RELN: variants seen among roughly 807,000 people sequenced by gnomAD.
The protein encoded by RELN is reelin.
A neutral mutation model predicts 427.6 loss-of-function variants in RELN; 108 were observed. That is an observed-to-expected ratio of 0.25 (90% CI 0.22 to 0.30). RELN has a LOEUF of 0.30. Among genes scored for constraint, RELN ranks in the 10% least tolerant of loss-of-function variants. RELN has a pLI of 1.00. For synonymous variants in RELN, 1,524 were observed against 1,513.4 expected, an observed-to-expected ratio of 1.01 and a Z score of -0.16; for missense variants, 3,715 against 4,302.8, an observed-to-expected ratio of 0.86 and a Z score of 3.82.
chr7:103,474,303 C>A (rs1827955981), intron 64 of RELN, among the ~76,000 whole-genome samples: 2 of 151,926 alleles, frequency 1.3e-5, no homozygotes, highest in South Asian at 4.2e-4. Context: ...CAAATTGATA[C>A]ATATTTTATA....
chr7:103,490,875 TATA>T (rs1358276555), intron 58 of RELN, 46 bp from the exon 59 acceptor site: 2 of 1,593,878 alleles, frequency 1.3e-6, no homozygotes, highest in East Asian at 4.5e-5. Context: ...AAGAGAAACA[TATA>T]ATCTGTTAAT....
chr7:103,496,876 C>G (rs1828857955), intron 55 of RELN, 108 bp from the exon 56 acceptor site: 1 of 1,268,418 alleles, frequency 7.9e-7, no homozygotes, highest in African/African-American at 1.5e-5. Context: ...AATTTTCAGC[C>G]AGGAAATGAC....
rs777552417 is a variant in RELN at position 103,661,550 on chromosome 7, A to G, written c.1290-23T>C. On this transcript the variant is annotated intron_variant, in intron 11 of 64. Coordinates refer to ENST00000428762, the MANE Select transcript of RELN (RefSeq NM_005045.4). The stretch of plus-strand genomic sequence containing the variant: ...CATCTAAAAAAAAAGGGGGATTAAG[A>G]GTTAGAGTTAGAATATTAAGCCAAA... 14 of 1,609,872 alleles carry G rather than the reference A, an allele frequency of 8.7e-6. No individual in the cohort carries two copies. The Admixed American group carries it at 1.3e-4, about 15-fold the overall frequency.
chr7:103,740,545 A>G (rs1790616906), intron 6 of RELN, among the ~76,000 whole-genome samples: 1 of 152,230 alleles, frequency 6.6e-6, no homozygotes, highest in Admixed American at 6.5e-5. Context: ...TTCTATTCCA[A>G]CTGTCATAAA....
At chr7:103,690,245 T>G (rs1833845502) in intron 10 of RELN, among the ~76,000 whole-genome samples, 1 of 152,128 alleles carries the variant, frequency 6.6e-6, no homozygotes, top group African/African-American at 2.4e-5. Flanking sequence ...AGGTGATACG[T>G]TGAATCTTGT....
intron 2 of RELN, among the ~76,000 whole-genome samples, chr7:103,883,202 T>C (rs769162171): frequency 4.6e-5 from 7 of 152,152 alleles, no homozygotes; most frequent in African/African-American, 1.7e-4. Context: ...ATTATCTCAA[T>C]AGGTGCAGAA....
At chr7:103,722,489 T>G (rs1423983915) in intron 8 of RELN, among the ~76,000 whole-genome samples, 1 of 152,174 alleles carries the variant, frequency 6.6e-6, no homozygotes, top group African/African-American at 2.4e-5. Flanking sequence ...ACATTTCCTC[T>G]GTAAATTTAT....
chr7:103,780,966 G>C (rs897750041), intron 3 of RELN, among the ~76,000 whole-genome samples: 2 of 152,116 alleles, frequency 1.3e-5, no homozygotes, highest in African/African-American at 4.8e-5. Context: ...AACATACGTG[G>C]ATACCCAATA....
intron 6 of RELN, among the ~76,000 whole-genome samples, chr7:103,737,426 C>T (rs1390722708): frequency 6.6e-6 from 1 of 152,220 alleles, no homozygotes; most frequent in Non-Finnish European, 1.5e-5. Context: ...AGTTCTCACA[C>T]TTGGCTACTA....
intron 40 of RELN, among the ~76,000 whole-genome samples, chr7:103,551,663 C>A (rs536986250): frequency 6.6e-6 from 1 of 152,286 alleles, no homozygotes; most frequent in East Asian, 1.9e-4. Context: ...GCTTCCCCCC[C>A]ATCTAGGTAG....
intron 3 of RELN, among the ~76,000 whole-genome samples, chr7:103,805,721 T>C (rs1289097262): frequency 6.6e-6 from 1 of 152,204 alleles, no homozygotes; most frequent in Non-Finnish European, 1.5e-5. Flanking sequence ...TATCAAAATG[T>C]GCTACAATTG....
chr7:103,617,169 T>C (rs894212007), intron 20 of RELN, among the ~76,000 whole-genome samples: 1 of 152,040 alleles, frequency 6.6e-6, no homozygotes, highest in Non-Finnish European at 1.5e-5. Context: ...ACATATACAG[T>C]GTGTGTGTGT....
intron 64 of RELN, 69 bp from the exon 65 acceptor site, chr7:103,472,977 C>A: frequency 1.6e-6 from 2 of 1,223,480 alleles, no homozygotes; most frequent in East Asian, 4.6e-5. Context: ...CATCATTGAA[C>A]GTGCAATCTA....
intron 50 of RELN, among the ~76,000 whole-genome samples, chr7:103,511,731 G>A (rs893161001): frequency 2.0e-5 from 3 of 151,992 alleles, no homozygotes; most frequent in East Asian, 1.9e-4. Flanking sequence ...GGTGGTGCAC[G>A]CCCATAGTCT....
chr7:103,805,258 C>T (rs1256827561), intron 3 of RELN, among the ~76,000 whole-genome samples: 1 of 152,052 alleles, frequency 6.6e-6, no homozygotes, highest in Non-Finnish European at 1.5e-5. Context: ...CCAAATAAGG[C>T]AACAGATGTG....
In RELN at chr7:103,833,955, C is replaced by T. The variant is rs140463040; in HGVS notation, c.338-283G>A. Reference sequence around the variant, plus strand: ...TGCCTATCACCAAAAACCACCAGGACCAACCTGCAGTTGAACAAGGTTAGA... The same window carrying T: ...TGCCTATCACCAAAAACCACCAGGATCAACCTGCAGTTGAACAAGGTTAGA... On this transcript the variant is annotated intron_variant, in intron 2 of 64. Transcript: ENST00000428762. Among the ~76,000 whole-genome samples, 38 of 152,274 alleles carry T rather than the reference C, an allele frequency of 2.5e-4. No individual in the cohort carries two copies. The East Asian group carries it at 7.3e-3, about 29-fold the overall frequency.
In RELN at chr7:103,952,814, T is replaced by C. The variant is rs115077570; in HGVS notation, c.227-35629A>G. Among the ~76,000 whole-genome samples the C allele has an allele frequency of 1.3e-3, 199 of 152,342 alleles. 1 individual carries two copies. The highest frequency in any genetic ancestry group is 4.6e-3 in the African/African-American group (192 of 41,584). ...GTTTAAGCATAAGGATGCTGAACAA[T>C]ACATCTCTCAAAACACTCACAGAGG... On this transcript the variant is annotated intron_variant, in intron 1 of 64. Transcript: ENST00000428762.
At chr7:103,866,287 CA>C (rs1262593253) in intron 2 of RELN, among the ~76,000 whole-genome samples, 5 of 152,024 alleles carry the variant, frequency 3.3e-5, no homozygotes, top group Admixed American at 1.3e-4. Context: ...ACAACAACAA[CA>C]AAAACCCAGG....
At chr7:103,592,274 T>C (rs1402079862) in intron 27 of RELN, among the ~76,000 whole-genome samples, 2 of 152,164 alleles carry the variant, frequency 1.3e-5, no homozygotes, top group African/African-American at 4.8e-5. Context: ...CACTTACAAG[T>C]GAGAACATGT....
Sources: gnomAD v4.1 joint callset for allele counts (sites outside exome capture counted in the v4.1 genomes callset) on GRCh38, gnomAD v4.1.1 for gene constraint, MANE v1.5 for transcripts, NCBI Gene and HGNC (gene_info 2026-07-23, HGNC 2026-07-21) for gene names.